Variants in PTPRN2 observed in about 807,000 individuals in gnomAD.
PTPRN2 encodes protein tyrosine phosphatase receptor type N2, also known as receptor-type tyrosine-protein phosphatase N2.
A neutral mutation model predicts 118.8 loss-of-function variants in PTPRN2; 74 were observed. The ratio of observed to expected loss-of-function variants is 0.62; its 90% CI spans 0.52 to 0.76. PTPRN2 has a LOEUF of 0.76. Ranked by LOEUF, PTPRN2 falls within the 30% of genes least tolerant of loss-of-function variation. PTPRN2 has a pLI of 0.00. For missense variants in PTPRN2, 1,481 were observed against 1,394.4 expected (o/e 1.06, Z -0.99); for synonymous variants, 641 against 608.0 (o/e 1.05, Z -0.80).
chr7:158,432,508 A>G (rs976865184), intron 2 of PTPRN2, among the ~76,000 whole-genome samples: 2 of 152,248 alleles, frequency 1.3e-5, no homozygotes, highest in Non-Finnish European at 2.9e-5. Context: ...GAAGGCAAAC[A>G]TCACTTAAAC....
rs1585447160 is a variant in PTPRN2, at chr7:157,780,358, G to T, written c.1789-97421C>A. Among the ~76,000 whole-genome samples, 1 of 152,212 alleles carries T rather than the reference G, an allele frequency of 6.6e-6. No homozygotes were observed. The highest frequency in any genetic ancestry group is 2.1e-4 in the South Asian group (1 of 4,830). ...GCTTTAGGTGACGTCGAAGCATCCAGCCATATCTGTCAGTTTATATAAGGG... is the reference window on the plus strand; with the variant it reads ...GCTTTAGGTGACGTCGAAGCATCCATCCATATCTGTCAGTTTATATAAGGG... On this transcript the variant is annotated intron_variant, in intron 12 of 22. Coordinates refer to ENST00000389418, the MANE Select transcript of PTPRN2 (RefSeq NM_002847.5). This position sits in a 1 kb window ranked among gnomAD's most constrained non-coding sequence, Gnocchi z 4.5.
chr7:157,854,947 C>T, intron 12 of PTPRN2: 1 of 165,284 alleles, frequency 6.1e-6, no homozygotes. Context: ...GATGGCTGTG[C>T]CGTTGTAGGG....
At position 157,875,754 on chromosome 7, in the gene PTPRN2, G is replaced by A. The variant is rs1294191087; in HGVS notation, c.1788+22919C>T. Among the ~76,000 whole-genome samples, 4 of 152,076 alleles carry A rather than the reference G, an allele frequency of 2.6e-5. No individual in the cohort carries two copies. In the South Asian group the frequency reaches 6.2e-4, roughly 24 times the overall value. On this transcript the variant is annotated intron_variant, in intron 12 of 22. Transcript: ENST00000389418. ...CCAGGGGGGCACGGGGCTGCAGAGG[G>A]TCAGGAGGGGCCGAGCCCCCAGGCC... is the stretch of plus-strand genomic sequence containing the variant.
intron 2 of PTPRN2, among the ~76,000 whole-genome samples, chr7:158,474,758 G>A (rs574219845): frequency 1.4e-4 from 22 of 152,338 alleles, no homozygotes; most frequent in Admixed American, 3.3e-4. Flanking sequence ...GCTAAGAGGC[G>A]GGTGACCGTC....
At chr7:158,355,458 C>G (rs1808310204) in intron 2 of PTPRN2, among the ~76,000 whole-genome samples, 1 of 152,220 alleles carries the variant, frequency 6.6e-6, no homozygotes, top group South Asian at 2.1e-4. Flanking sequence ...ACTCTCCTGC[C>G]AGCTGCTCAC....
chr7:158,325,134 C>T (rs1405791947), intron 2 of PTPRN2, among the ~76,000 whole-genome samples: 1 of 145,282 alleles, frequency 6.9e-6, no homozygotes, highest in Non-Finnish European at 1.5e-5. Flanking sequence ...CTCCAGTCCC[C>T]ACAATTCTCC....
chr7:158,424,328 T>C lies in PTPRN2; in HGVS notation c.163+65407A>G, dbSNP rs556538072. The stretch of plus-strand genomic sequence containing the variant: ...GTCGTATCGATTCCCCCAGCTGTAA[T>C]GGAATTCCGTCAAGGAGCAAAGCGA... On this transcript the variant is annotated intron_variant, in intron 2 of 22. Transcript: ENST00000389418. Among the ~76,000 whole-genome samples the C allele has an allele frequency of 5.3e-5, 8 of 152,330 alleles. No individual in the cohort carries two copies. In the South Asian group the frequency reaches 1.7e-3, roughly 32 times the overall value.
chr7:158,468,941 A>AT (rs1248331308), intron 2 of PTPRN2, among the ~76,000 whole-genome samples: 4 of 150,128 alleles, frequency 2.7e-5, no homozygotes, highest in Admixed American at 6.6e-5. Flanking sequence ...GATCAACAGT[A>AT]GGCACACCCA....
At chr7:157,628,256 T>C (rs1803709851) in intron 14 of PTPRN2, among the ~76,000 whole-genome samples, 1 of 152,204 alleles carries the variant, frequency 6.6e-6, no homozygotes, top group African/African-American at 2.4e-5. Context: ...CACAATGTAT[T>C]ACATAGCACA....
intron 6 of PTPRN2, among the ~76,000 whole-genome samples, chr7:158,164,317 G>T (rs1013212342): frequency 2.4e-4 from 35 of 146,976 alleles, no homozygotes; most frequent in African/African-American, 8.3e-4. Flanking sequence ...AGGAGCGCGT[G>T]CGTAAGAAGG....
intron 11 of PTPRN2, among the ~76,000 whole-genome samples, chr7:158,063,750 T>C (rs186679525): frequency 1.3e-5 from 2 of 152,292 alleles, no homozygotes; most frequent in Admixed American, 1.3e-4. Context: ...CTTTAAGAAC[T>C]GTAACACTCA....
At chr7:158,134,182 G>A (rs896371931) in intron 8 of PTPRN2, 123 bp from the exon 9 acceptor site, 24 of 1,164,002 alleles carry the variant, frequency 2.1e-5, no homozygotes, top group Admixed American at 1.3e-4. Context: ...GAAGGAGAGT[G>A]TGGGAGGAAG....
chr7:158,550,113 G>A (rs566441233), intron 1 of PTPRN2, among the ~76,000 whole-genome samples: 1 of 152,350 alleles, frequency 6.6e-6, no homozygotes, highest in South Asian at 2.1e-4. Flanking sequence ...AATGAAAGAC[G>A]GAGATAGCCT....
intron 4 of PTPRN2, among the ~76,000 whole-genome samples, chr7:158,195,233 T>C (rs755324778): frequency 1.3e-5 from 2 of 152,198 alleles, no homozygotes; most frequent in Non-Finnish European, 2.9e-5. Context: ...TGGGTTGATG[T>C]TTGTTTGTTT....
At chr7:157,542,143 GGTCGGGCTGT>G in intron 22 of PTPRN2, among the ~76,000 whole-genome samples, 1 of 152,310 alleles carries the variant, frequency 6.6e-6, no homozygotes, top group South Asian at 2.1e-4. Flanking sequence ...CAGGGGCTCA[GGTCGGGCTGT>G]GCCGGGAAGG....
chr7:157,731,118 C>G (rs1799874823), intron 12 of PTPRN2, among the ~76,000 whole-genome samples: 1 of 152,126 alleles, frequency 6.6e-6, no homozygotes, highest in Non-Finnish European at 1.5e-5. Flanking sequence ...TCCTTTACGA[C>G]TTCACCTCTG....
intron 11 of PTPRN2, among the ~76,000 whole-genome samples, chr7:158,014,640 CCATCATCCATCATT>C (rs1806305703): frequency 6.6e-6 from 1 of 151,710 alleles, no homozygotes; most frequent in African/African-American, 2.4e-5. Flanking sequence ...CTATCCATAT[CCATCATCCATCATT>C]CATCATCCAT....
intron 12 of PTPRN2, chr7:157,863,689 G>A (rs1246792692): frequency 3.3e-5 from 5 of 152,250 alleles, no homozygotes; most frequent in African/African-American, 1.2e-4. Flanking sequence ...TGGCGTCTTG[G>A]AGACAGGGGC....
chr7:158,002,332 T>G (rs1023541452), intron 11 of PTPRN2, among the ~76,000 whole-genome samples: 3 of 152,108 alleles, frequency 2.0e-5, no homozygotes, highest in Non-Finnish European at 4.4e-5. Context: ...GGGACGTGTT[T>G]TGGGAGAAGG....
Sources: allele counts gnomAD v4.1 joint callset (sites outside exome capture counted in the v4.1 genomes callset), GRCh38; gene constraint gnomAD v4.1.1; non-coding constraint Gnocchi (gnomAD v3.1); transcripts MANE v1.5; gene names NCBI Gene and HGNC (gene_info 2026-07-23, HGNC 2026-07-21).